Variants in FOXJ3 observed in about 807,000 individuals in gnomAD.
FOXJ3 encodes forkhead box protein J3.
Under a neutral mutation model 76.1 loss-of-function variants are expected in FOXJ3, and 22 were observed. The observed-to-expected ratio is 0.29, with a 90% CI of 0.21 to 0.41. FOXJ3 has a LOEUF of 0.41. FOXJ3 is among the 10% of genes least tolerant of loss of function. The probability of loss-of-function intolerance (pLI) is 1.00; values close to 1 mark genes in which losing one functional copy is unlikely to be tolerated. For synonymous variants in FOXJ3, 269 were observed against 261.2 expected (o/e 1.03, Z -0.29); for missense variants, 613 against 762.1 (o/e 0.80, Z 2.30).
In FOXJ3 at chr1:42,329,150, AC is replaced by A. The variant is rs1406682230; in HGVS notation, c.-18+5908del. On this transcript the variant is annotated intron_variant, in intron 1 of 12. Transcript: ENST00000361346. ...GAATCGCAGCCAAAGGTACCTAACTACAAAAGGTTACTTAAAATAAGTAGAA... is the reference window on the plus strand; with the variant it reads ...GAATCGCAGCCAAAGGTACCTAACTAAAAAGGTTACTTAAAATAAGTAGAA... Among the ~76,000 whole-genome samples, 4 of 152,352 alleles carry A rather than the reference AC, an allele frequency of 2.6e-5. 1 individual carries two copies. Among genetic ancestry groups the A allele is most frequent in the African/African-American group, 9.6e-5 (4 of 41,582 alleles).
chr1:42,319,715 C>T (rs1655326251), intron 1 of FOXJ3, among the ~76,000 whole-genome samples: 1 of 152,132 alleles, frequency 6.6e-6, no homozygotes, highest in Admixed American at 6.5e-5. Flanking sequence ...TCAGAACCAC[C>T]ACACACAAAT....
intron 8 of FOXJ3, among the ~76,000 whole-genome samples, chr1:42,193,176 G>A (rs1401630469): frequency 6.6e-6 from 1 of 151,938 alleles, no homozygotes; most frequent in Non-Finnish European, 1.5e-5. Flanking sequence ...GCTGGGGAAG[G>A]AAGCTTACTA....
At chr1:42,192,214 C>T (rs1180766623) in intron 8 of FOXJ3, among the ~76,000 whole-genome samples, 1 of 152,092 alleles carries the variant, frequency 6.6e-6, no homozygotes, top group African/African-American at 2.4e-5. Context: ...TAAAACTTTT[C>T]CAAATAGGTA....
rs554513983 is a variant in FOXJ3 at position 42,243,764 on chromosome 1, C to T, written c.445-15798G>A. Among the ~76,000 whole-genome samples the T allele has an allele frequency of 3.3e-5, 5 of 152,184 alleles. No homozygotes were observed. In the South Asian group the frequency reaches 6.2e-4, roughly 19 times the overall value. On this transcript the variant is annotated intron_variant, in intron 4 of 12. Transcript: ENST00000361346. ...CATCCAACACTGGAGCAACCAGATACGTATAACAAGTATCAAACAAAGAAA... is the reference window on the plus strand; with the variant it reads ...CATCCAACACTGGAGCAACCAGATATGTATAACAAGTATCAAACAAAGAAA...
chr1:42,182,266 G>T (rs1173056389), intron 11 of FOXJ3, among the ~76,000 whole-genome samples: 1 of 152,166 alleles, frequency 6.6e-6, no homozygotes, highest in East Asian at 1.9e-4. Flanking sequence ...ACTGTACGCT[G>T]GTAGGCAAGT....
intron 2 of FOXJ3, among the ~76,000 whole-genome samples, chr1:42,294,052 G>A (rs1653617903): frequency 6.6e-6 from 1 of 152,148 alleles, no homozygotes; most frequent in Non-Finnish European, 1.5e-5. Flanking sequence ...TTGTCAGATT[G>A]AATAGAATTG....
chr1:42,286,569 T>C (rs1023519890), intron 2 of FOXJ3, among the ~76,000 whole-genome samples: 2 of 152,222 alleles, frequency 1.3e-5, no homozygotes, highest in Admixed American at 6.5e-5. Context: ...TTCCAACACA[T>C]AGTAACTGCT....
rs903135774 is a variant in FOXJ3, at chr1:42,313,650, T to A, written c.-17-2540A>T. Among the ~76,000 whole-genome samples the A allele has an allele frequency of 4.6e-5, 7 of 152,272 alleles. No individual in the cohort carries two copies. The South Asian group carries it at 1.5e-3, about 32-fold the overall frequency. On this transcript the variant is annotated intron_variant, in intron 1 of 12. Transcript: ENST00000361346. The stretch of plus-strand genomic sequence containing the variant: ...CTTGGGACCAGGGTCCAGTGTGGAC[T>A]GCCCCTCGTCCTGGGAAATGGGGTG...
intron 4 of FOXJ3, among the ~76,000 whole-genome samples, chr1:42,249,131 T>C (rs1007618770): frequency 6.6e-6 from 1 of 152,216 alleles, no homozygotes; most frequent in African/African-American, 2.4e-5. Context: ...ATGTACCATA[T>C]TCTCTTTATA....
chr1:42,194,392 C>T (rs978174294), intron 8 of FOXJ3, among the ~76,000 whole-genome samples: 11 of 152,320 alleles, frequency 7.2e-5, no homozygotes, highest in South Asian at 2.1e-4. Flanking sequence ...TTAAGTATAT[C>T]GTGTACAACA....
At chr1:42,282,065 G>T (rs1180922710) in intron 2 of FOXJ3, among the ~76,000 whole-genome samples, 1 of 145,268 alleles carries the variant, frequency 6.9e-6, no homozygotes, top group African/African-American at 2.6e-5. Context: ...TCTCAAAAAA[G>T]GAGAAAAAAA....
rs1646546294 is a variant in FOXJ3 at position 42,191,532 on chromosome 1, C to G, written c.1122G>C (p.Gln374His). 3.1e-6 allele frequency: 5 copies of G among 1,613,992 alleles called. No homozygotes were observed. Among genetic ancestry groups the G allele is most frequent in the Non-Finnish European group, 4.2e-6 (5 of 1,180,012 alleles). The change falls in exon 9 of 13, where the codon CAG (glutamine) becomes CAC (histidine). Residue 374 changes from glutamine to histidine, a missense_variant. Transcript: ENST00000361346. ...GATGTGGAGATGGCTGTGTGTGCAT[C>G]TGGGGGTGAGACAGTGAGACCTGTG... ...SVAQVSLSHP[Q>H]MHTQPSPHPP...
At chr1:42,235,085 C>A (rs1569984800) in intron 4 of FOXJ3, among the ~76,000 whole-genome samples, 1 of 152,346 alleles carries the variant, frequency 6.6e-6, no homozygotes, top group African/African-American at 2.4e-5. Flanking sequence ...TGTTTACCTA[C>A]TCAAGCCTAG....
intron 5 of FOXJ3, among the ~76,000 whole-genome samples, chr1:42,211,508 C>A (rs1373017318): frequency 6.6e-6 from 1 of 152,006 alleles, no homozygotes; most frequent in African/African-American, 2.4e-5. Flanking sequence ...CCCTAGCAAC[C>A]TCTGCCAAGG....
chr1:42,252,362 G>A (rs1000800624), intron 4 of FOXJ3, among the ~76,000 whole-genome samples: 6 of 152,152 alleles, frequency 3.9e-5, no homozygotes, highest in Admixed American at 1.3e-4. Context: ...GAGAGTGTAC[G>A]TGTTGAGGAA....
At chr1:42,226,903 G>A (rs941669895) in intron 5 of FOXJ3, among the ~76,000 whole-genome samples, 1 of 152,184 alleles carries the variant, frequency 6.6e-6, no homozygotes, top group South Asian at 2.1e-4. Context: ...AATGGGCACA[G>A]AACAAATTTA....
intron 2 of FOXJ3, among the ~76,000 whole-genome samples, chr1:42,296,752 A>C (rs1653815280): frequency 6.6e-6 from 1 of 152,140 alleles, no homozygotes; most frequent in Non-Finnish European, 1.5e-5. Flanking sequence ...ATGCCTCTGA[A>C]TTTGTTCCTT....
At chr1:42,182,408 T>C (rs535343182) in intron 11 of FOXJ3, among the ~76,000 whole-genome samples, 2 of 152,340 alleles carry the variant, frequency 1.3e-5, no homozygotes, top group East Asian at 3.9e-4. Context: ...ATTTTACAGA[T>C]GAGGCAACTG....
chr1:42,331,105 G>A (rs534096220), intron 1 of FOXJ3, among the ~76,000 whole-genome samples: 1 of 152,272 alleles, frequency 6.6e-6, no homozygotes, highest in Admixed American at 6.5e-5. Flanking sequence ...ACTTGACCAG[G>A]CGCGGTGGCT....
Sources: allele counts gnomAD v4.1 joint callset (sites outside exome capture counted in the v4.1 genomes callset), GRCh38; gene constraint gnomAD v4.1.1; transcripts MANE v1.5; gene names NCBI Gene and HGNC (gene_info 2026-07-23, HGNC 2026-07-21).